The following CMTM7 variants were observed in gnomAD, a reference collection of about 807,000 sequenced individuals.
The protein encoded by CMTM7 is CKLF like MARVEL transmembrane domain containing 7, also known as CKLF-like MARVEL transmembrane domain-containing protein 7.
A neutral mutation model predicts 19.3 loss-of-function variants in CMTM7; 7 were observed. The ratio of observed to expected loss-of-function variants is 0.36; its 90% CI spans 0.21 to 0.68. The LOEUF is 0.68. CMTM7 is among the 30% of genes least tolerant of loss of function. The pLI is 0.60. For missense variants in CMTM7, 193 were observed against 232.6 expected, an observed-to-expected ratio of 0.83 and a Z score of 1.11; for synonymous variants, 87 against 99.3, an observed-to-expected ratio of 0.88 and a Z score of 0.74.
Position 32,427,103 on chromosome 3 carries a change from A to T in CMTM7, c.160-14737A>T, listed in dbSNP as rs180941845. On this transcript the variant is annotated intron_variant, in intron 1 of 4. Transcript: ENST00000334983. ...ACACCACTAGAAAATGGCACCAGCCATTGAACTGAGTGGAAATACAACTGG... is the reference window on the plus strand; with the variant it reads ...ACACCACTAGAAAATGGCACCAGCCTTTGAACTGAGTGGAAATACAACTGG... Among the ~76,000 whole-genome samples the T allele has an allele frequency of 1.3e-5, 2 of 152,362 alleles. 1 individual carries two copies. The highest frequency in any genetic ancestry group is 4.1e-4 in the South Asian group (2 of 4,826).
At chr3:32,408,311 A>T (rs1041567670) in intron 1 of CMTM7, among the ~76,000 whole-genome samples, 1 of 152,234 alleles carries the variant, frequency 6.6e-6, no homozygotes, top group Non-Finnish European at 1.5e-5. Context: ...ACAACCAATT[A>T]AATATTTTCC....
At chr3:32,443,110 C>A (rs1696704632) in intron 2 of CMTM7, among the ~76,000 whole-genome samples, 1 of 151,514 alleles carries the variant, frequency 6.6e-6, no homozygotes, top group African/African-American at 2.4e-5. Flanking sequence ...TCCTTTTTTT[C>A]TTTTTAGAGA....
chr3:32,454,091 T>A, intron 4 of CMTM7, 150 bp from the exon 5 acceptor site: 1 of 882,530 alleles, frequency 1.1e-6, no homozygotes, highest in Non-Finnish European at 1.8e-6. Context: ...AATGTATTTT[T>A]AAAAAATGGA....
At chr3:32,453,216 G>A (rs1460738407) in intron 4 of CMTM7, among the ~76,000 whole-genome samples, 1 of 152,028 alleles carries the variant, frequency 6.6e-6, no homozygotes, top group Non-Finnish European at 1.5e-5. Context: ...TGAGGCAAGA[G>A]GATCACCTGA....
intron 1 of CMTM7, among the ~76,000 whole-genome samples, chr3:32,429,228 C>A (rs940689923): frequency 6.6e-6 from 1 of 151,858 alleles, no homozygotes; most frequent in South Asian, 2.1e-4. Context: ...AATCTGAATC[C>A]TTTTTTCCCC....
intron 1 of CMTM7, among the ~76,000 whole-genome samples, chr3:32,420,328 C>T (rs2125629910): frequency 6.6e-6 from 1 of 152,262 alleles, no homozygotes; most frequent in South Asian, 2.1e-4. Context: ...TTTGCAGTGG[C>T]AAGGAGGCCT....
intron 3 of CMTM7, chr3:32,452,107 A>G (rs1559416431): frequency 2.1e-6 from 3 of 1,437,894 alleles, no homozygotes; most frequent in Non-Finnish European, 2.8e-6. Context: ...TTGCTTGTAA[A>G]TGTAAACCCA....
intron 1 of CMTM7, among the ~76,000 whole-genome samples, chr3:32,404,152 C>CTTT (rs869206404): frequency 6.1e-5 from 8 of 131,988 alleles, no homozygotes; most frequent in African/African-American, 1.2e-4. Context: ...CTTTTTTTTT[C>CTTT]TTTTTTTTTC....
chr3:32,421,105 A>G (rs948985750), intron 1 of CMTM7, among the ~76,000 whole-genome samples: 1 of 150,958 alleles, frequency 6.6e-6, no homozygotes, highest in Non-Finnish European at 1.5e-5. Flanking sequence ...TCTGGCCACT[A>G]TTCTGATTTC....
intron 1 of CMTM7, among the ~76,000 whole-genome samples, chr3:32,424,870 T>C (rs776122612): frequency 7.9e-5 from 12 of 152,092 alleles, no homozygotes; most frequent in Non-Finnish European, 1.5e-4. Flanking sequence ...GGTCTCAAAG[T>C]CCTGAGCTCA....
At chr3:32,401,721 CCTT>C (rs1490488200) in intron 1 of CMTM7, among the ~76,000 whole-genome samples, 2 of 152,228 alleles carry the variant, frequency 1.3e-5, no homozygotes, top group Non-Finnish European at 2.9e-5. Flanking sequence ...CGCACGCTGG[CCTT>C]CTTTGTTACT....
At chr3:32,409,123 C>T (rs1352487354) in intron 1 of CMTM7, among the ~76,000 whole-genome samples, 5 of 152,076 alleles carry the variant, frequency 3.3e-5, no homozygotes, top group Non-Finnish European at 5.9e-5. Context: ...CCTCATGATA[C>T]GCCCGCCTGG....
chr3:32,403,862 A>C (rs1281428347), intron 1 of CMTM7, among the ~76,000 whole-genome samples: 1 of 152,148 alleles, frequency 6.6e-6, no homozygotes, highest in Non-Finnish European at 1.5e-5. Context: ...AGGTGCTATG[A>C]GACATAACAG....
At chr3:32,450,860 G>C (rs1262305107) in intron 3 of CMTM7, 7 of 152,190 alleles carry the variant, frequency 4.6e-5, no homozygotes, top group Admixed American at 4.6e-4. Context: ...ATCATATGCT[G>C]TCTGTGTGCC....
At chr3:32,446,016 T>C (rs1288047575) in intron 2 of CMTM7, among the ~76,000 whole-genome samples, 1 of 152,258 alleles carries the variant, frequency 6.6e-6, no homozygotes, top group Non-Finnish European at 1.5e-5. Context: ...ATCAAGTTAA[T>C]ACTGGCCTCA....
chr3:32,424,770 C>G (rs2125632085), intron 1 of CMTM7, among the ~76,000 whole-genome samples: 1 of 152,210 alleles, frequency 6.6e-6, no homozygotes, highest in Non-Finnish European at 1.5e-5. Context: ...CCTCGGCCTT[C>G]CGAGTAGCTG....
chr3:32,422,830 T>C (rs1696365272), intron 1 of CMTM7, among the ~76,000 whole-genome samples: 1 of 152,200 alleles, frequency 6.6e-6, no homozygotes. Flanking sequence ...CCCAGAACAC[T>C]TACATTAGCC....
intron 1 of CMTM7, among the ~76,000 whole-genome samples, chr3:32,395,817 C>G (rs1301793292): frequency 6.6e-6 from 1 of 152,212 alleles, no homozygotes; most frequent in Non-Finnish European, 1.5e-5. Flanking sequence ...TGAAGACTTA[C>G]ACATTCATAT....
chr3:32,421,999 G>T (rs1341997088), intron 1 of CMTM7, among the ~76,000 whole-genome samples: 1 of 149,018 alleles, frequency 6.7e-6, no homozygotes, highest in East Asian at 1.9e-4. Context: ...TACTGTCTGT[G>T]TTGAGTGACT....
Sources: allele counts gnomAD v4.1 joint callset (sites outside exome capture counted in the v4.1 genomes callset), GRCh38; gene constraint gnomAD v4.1.1; transcripts MANE v1.5; gene names NCBI Gene and HGNC (gene_info 2026-07-23, HGNC 2026-07-21).